Variants in GLIS3 observed in about 807,000 individuals in gnomAD.
GLIS3 encodes the protein GLIS family zinc finger 3.
A neutral mutation model predicts 78.6 loss-of-function variants in GLIS3; 53 were observed. The ratio of observed to expected loss-of-function variants is 0.67; its 90% confidence interval spans 0.54 to 0.85. GLIS3 has a LOEUF of 0.85. GLIS3 is among the 40% of genes least tolerant of loss of function. The pLI is 0.00. For synonymous variants in GLIS3, 684 were observed against 509.9 expected (o/e 1.34, Z -4.60); for missense variants, 1,703 against 1,231.1 (o/e 1.38, Z -5.74).
intron 4 of GLIS3, among the ~76,000 whole-genome samples, chr9:4,074,719 C>G (rs531205971): frequency 2.0e-5 from 3 of 152,310 alleles, no homozygotes; most frequent in East Asian, 3.9e-4. Context: ...ATAGCATTAA[C>G]TTAAAGCAAC....
At chr9:4,191,133 C>T (rs562925249) in intron 2 of GLIS3, among the ~76,000 whole-genome samples, 1 of 149,630 alleles carries the variant, frequency 6.7e-6, no homozygotes, top group East Asian at 2.0e-4. Context: ...AACTAACGAG[C>T]AAAATAACCA....
intron 2 of GLIS3, among the ~76,000 whole-genome samples, chr9:4,239,685 C>G (rs1321347973): frequency 6.6e-6 from 1 of 152,218 alleles, no homozygotes; most frequent in East Asian, 1.9e-4. Flanking sequence ...CTGACTTTTC[C>G]ATTACCTACT....
At chr9:4,063,717 TA>T (rs1231745183) in intron 4 of GLIS3, among the ~76,000 whole-genome samples, 9 of 152,160 alleles carry the variant, frequency 5.9e-5, no homozygotes, top group African/African-American at 2.2e-4. Flanking sequence ...AAGGATTACC[TA>T]GAACATCTTA....
chr9:4,046,650 T>G (rs1825274604), intron 4 of GLIS3, among the ~76,000 whole-genome samples: 1 of 152,218 alleles, frequency 6.6e-6, no homozygotes, highest in South Asian at 2.1e-4. Flanking sequence ...ATACTTGAAG[T>G]ATTATCTTCA....
the GLIS3 span, among the ~76,000 whole-genome samples, chr9:4,442,756 G>A: frequency 3.9e-5 from 6 of 151,902 alleles, no homozygotes; most frequent in African/African-American, 1.5e-4. Context: ...TTCTTTACAT[G>A]TTTACAGTTA....
At chr9:4,390,115 G>A in the GLIS3 span, among the ~76,000 whole-genome samples, 3 of 152,210 alleles carry the variant, frequency 2.0e-5, no homozygotes, top group Admixed American at 6.5e-5. Flanking sequence ...AGGGAACCAC[G>A]GACATGTATA....
intron 4 of GLIS3, among the ~76,000 whole-genome samples, chr9:4,018,866 C>A (rs1411226235): frequency 6.6e-6 from 1 of 152,172 alleles, no homozygotes; most frequent in Non-Finnish European, 1.5e-5. Context: ...AAAGAAAGAT[C>A]CTGTGTTCTC....
intron 4 of GLIS3, among the ~76,000 whole-genome samples, chr9:4,015,272 C>G (rs547557702): frequency 2.0e-5 from 3 of 152,220 alleles, no homozygotes; most frequent in East Asian, 3.9e-4. Context: ...TAGAGAATTG[C>G]CCAGGTAAAG....
At chr9:3,933,002 C>A in intron 5 of GLIS3, 1 of 226,486 alleles carries the variant, frequency 4.4e-6, no homozygotes, top group Non-Finnish European at 9.1e-6. Flanking sequence ...CAAACAGACA[C>A]GTGAAAAATC....
At chr9:4,181,692 G>A (rs1817338624) in intron 2 of GLIS3, among the ~76,000 whole-genome samples, 1 of 152,222 alleles carries the variant, frequency 6.6e-6, no homozygotes, top group Non-Finnish European at 1.5e-5. Flanking sequence ...ACTTCACTGT[G>A]AGTCTTGCTT....
intron 4 of GLIS3, among the ~76,000 whole-genome samples, chr9:4,078,590 G>A (rs566739703): frequency 2.6e-5 from 4 of 152,332 alleles, no homozygotes; most frequent in South Asian, 2.1e-4. Flanking sequence ...GCCGCAAAAG[G>A]AAGCCAAGAG....
intron 2 of GLIS3, among the ~76,000 whole-genome samples, chr9:4,198,145 G>T (rs943144787): frequency 6.6e-6 from 1 of 151,960 alleles, no homozygotes. Flanking sequence ...TCCAGCAATG[G>T]CCCCTAACCA....
chr9:4,352,119 T>C (rs1465734416), upstream of GLIS3, among the ~76,000 whole-genome samples: 2 of 152,240 alleles, frequency 1.3e-5, no homozygotes, highest in African/African-American at 4.8e-5. Context: ...AAAGTAGATT[T>C]CTGTTATTAT....
intron 4 of GLIS3, among the ~76,000 whole-genome samples, chr9:3,937,986 A>G (rs1165739247): frequency 6.6e-6 from 1 of 152,202 alleles, no homozygotes. Context: ...ATATTTATTG[A>G]CAGTAACATT....
intron 9 of GLIS3, among the ~76,000 whole-genome samples, chr9:3,839,581 G>GT (rs1818590411): frequency 1.4e-5 from 2 of 141,586 alleles, no homozygotes; most frequent in African/African-American, 5.5e-5. Context: ...CAAGTTTACA[G>GT]CCAAAAAAAA....
intron 2 of GLIS3, among the ~76,000 whole-genome samples, chr9:4,195,321 G>A (rs1818717832): frequency 6.6e-6 from 1 of 152,196 alleles, no homozygotes; most frequent in Admixed American, 6.5e-5. Flanking sequence ...TGGGAACTGG[G>A]GCTGTGCACG....
chr9:4,204,814 T>C (rs1007762632), intron 2 of GLIS3, among the ~76,000 whole-genome samples: 5 of 151,892 alleles, frequency 3.3e-5, no homozygotes, highest in Admixed American at 1.3e-4. Context: ...CTCGGGAGGC[T>C]GAGGCAGAAG....
chr9:4,294,827 T>C, intron 1 of GLIS3, among the ~76,000 whole-genome samples: 1 of 152,356 alleles, frequency 6.6e-6, no homozygotes, highest in East Asian at 1.9e-4. Flanking sequence ...ATCTATATAT[T>C]CACATACATT....
the GLIS3 span, among the ~76,000 whole-genome samples, chr9:4,456,287 G>A: frequency 6.6e-6 from 1 of 152,178 alleles, no homozygotes; most frequent in Non-Finnish European, 1.5e-5. Flanking sequence ...CAATATTGAT[G>A]GCTGCTGACA....
Sources: gnomAD v4.1 joint callset for allele counts (sites outside exome capture counted in the v4.1 genomes callset) on GRCh38, gnomAD v4.1.1 for gene constraint, MANE v1.5 for transcripts, NCBI Gene and HGNC (gene_info 2026-07-23, HGNC 2026-07-21) for gene names.